Variants in BBS2 observed in about 807,000 individuals in gnomAD.
The protein encoded by BBS2 is BBSome complex member BBS2.
In BBS2, 62 loss-of-function variants were observed where a neutral mutation model predicts 83.0. That is an observed-to-expected ratio of 0.75 (90% CI 0.61 to 0.92). The LOEUF (loss-of-function observed/expected upper bound fraction) is 0.92, where lower values mean the gene tolerates loss of function less well. BBS2 is among the 40% of genes least tolerant of loss of function. The pLI, the probability that BBS2 is intolerant of heterozygous loss-of-function variation, is 0.00. For missense variants in BBS2, 784 were observed against 901.0 expected (o/e 0.87, Z 1.66); for synonymous variants, 303 against 326.1 (o/e 0.93, Z 0.76).
chr16:56,512,828 A>T (rs1248937892), intron 2 of BBS2, among the ~76,000 whole-genome samples: 2 of 152,208 alleles, frequency 1.3e-5, no homozygotes, highest in African/African-American at 2.4e-5. Flanking sequence ...ATTTTCATGT[A>T]TGTACATTTT....
intron 17 of BBS2, chr16:56,476,074 T>C (rs1477947802): frequency 3.7e-6 from 6 of 1,613,254 alleles, no homozygotes; most frequent in Non-Finnish European, 5.1e-6. Flanking sequence ...AAGCAATTCT[T>C]TGGCATTGGT....
At chr16:56,505,450 CT>C (rs1964396377) in intron 7 of BBS2, among the ~76,000 whole-genome samples, 2 of 152,150 alleles carry the variant, frequency 1.3e-5, no homozygotes, top group Non-Finnish European at 1.5e-5. Flanking sequence ...GAAGACAATC[CT>C]GACTTGCCAA....
chr16:56,471,953 C>CTGTTTGTT (rs35730390), intron 17 of BBS2, among the ~76,000 whole-genome samples: 113 of 151,502 alleles, frequency 7.5e-4, no homozygotes, highest in Non-Finnish European at 1.2e-3. Context: ...TTATCCACTT[C>CTGTTTGTT]TGTTTGTTTG....
intron 17 of BBS2, chr16:56,476,115 C>T (rs1271905543): frequency 6.8e-6 from 11 of 1,613,880 alleles, no homozygotes; most frequent in Non-Finnish European, 9.3e-6. Flanking sequence ...TGAAATTTGT[C>T]AAGCATATTA....
intron 6 of BBS2, 32 bp downstream of exon 6, chr16:56,506,088 C>G: frequency 6.2e-7 from 1 of 1,607,578 alleles, no homozygotes; most frequent in Non-Finnish European, 8.5e-7. Flanking sequence ...AACTATCAAG[C>G]GCCTGAATAT....
chr16:56,480,756 T>C (rs1046229582), downstream of BBS2, among the ~76,000 whole-genome samples: 2 of 152,162 alleles, frequency 1.3e-5, no homozygotes, highest in South Asian at 2.1e-4. Context: ...ACAAACCCTG[T>C]TGAAAAGGGT....
At chr16:56,492,322 A>G (rs1963978188) in intron 15 of BBS2, among the ~76,000 whole-genome samples, 1 of 152,228 alleles carries the variant, frequency 6.6e-6, no homozygotes, top group South Asian at 2.1e-4. Context: ...ATGGAACACT[A>G]TTCAGTCTTA....
intron 5 of BBS2, among the ~76,000 whole-genome samples, chr16:56,508,568 G>A (rs1415389060): frequency 2.0e-5 from 3 of 152,038 alleles, no homozygotes; most frequent in Non-Finnish European, 4.4e-5. Flanking sequence ...AAACCATAAA[G>A]GATACAGGTA....
chr16:56,498,922 C>T, intron 12 of BBS2: 1 of 379,106 alleles, frequency 2.6e-6, no homozygotes, highest in Non-Finnish European at 5.0e-6. Flanking sequence ...TACACAACAG[C>T]TCTTCTGTGG....
chr16:56,516,993 TTTATTATTATTA>T (rs879900191), intron 1 of BBS2, among the ~76,000 whole-genome samples: 5 of 150,894 alleles, frequency 3.3e-5, no homozygotes, highest in Non-Finnish European at 5.9e-5. Context: ...CTTTATTTTA[TTTATTATTATTA>T]TTATTATTAT....
intron 9 of BBS2, chr16:56,501,755 G>A (rs762708204): frequency 1.2e-5 from 6 of 503,746 alleles, no homozygotes; most frequent in African/African-American, 1.9e-5. Context: ...CATTTTTGAA[G>A]TATTGTTCTT....
rs756036778 is a variant in BBS2, at chr16:56,484,829, C to T, written c.2098G>A (p.Asp700Asn). ...PKNQVITACR[D>N]AIRSNNINTL... ...TTGATGTTATTGCTTCGAATTGCAT[C>T]CCGACAAGCAGTGATCACCTGGTTC... The change falls in exon 17 of 17, where the codon GAT (aspartate) becomes AAT (asparagine). Residue 700 changes from aspartate to asparagine, a missense_variant. Transcript: ENST00000245157. 1 of 1,613,988 alleles carries T rather than the reference C, an allele frequency of 6.2e-7. No homozygotes were observed. The highest frequency in any genetic ancestry group is 1.1e-5 in the South Asian group (1 of 91,082).
Position 56,497,780 on chromosome 16 carries a change from G to A in BBS2, c.1760C>T (p.Pro587Leu). 1 of 1,613,376 alleles carries A rather than the reference G, an allele frequency of 6.2e-7. No individual in the cohort carries two copies. Among genetic ancestry groups the A allele is most frequent in the Non-Finnish European group, 8.5e-7 (1 of 1,179,900 alleles). Residue 587 changes from proline (P) to leucine (L), a missense_variant, in exon 14 of 17, where the codon CCT becomes CTT. Coordinates refer to ENST00000245157, the MANE Select transcript of BBS2 (RefSeq NM_031885.5). Reference sequence around the variant, plus strand: ...CTTTCGTAATTCCTCAAAATAGACAGGAAAATCCGCTTCTACTTGAAGGTC... The same window carrying A: ...CTTTCGTAATTCCTCAAAATAGACAAGAAAATCCGCTTCTACTTGAAGGTC... ...IEDLQVEADFPVYFEELRKVL... is the reference protein window; with the variant it reads ...IEDLQVEADFLVYFEELRKVL...
chr16:56,514,662 G>A lies in BBS2; in HGVS notation c.136C>T (p.His46Tyr), dbSNP rs762792627. The change falls in exon 2 of 17, where the codon CAT (histidine) becomes TAT (tyrosine). Residue 46 changes from histidine to tyrosine, a missense_variant. His to Tyr is a moderately conservative substitution (Grantham distance 83, BLOSUM62 2). Transcript: ENST00000245157. ...QTGKVFIHNP[H>Y]TRNQHVSASR... The stretch of plus-strand genomic sequence containing the variant: ...GCACTGACATGCTGGTTCCGTGTAT[G>A]AGGATTATGAATAAAAACCTGAAAC... 8 of 1,613,616 alleles carry A rather than the reference G, an allele frequency of 5.0e-6. No homozygotes were observed. Among genetic ancestry groups the A allele is most frequent in the South Asian group, 4.4e-5 (4 of 91,028 alleles).
At chr16:56,497,118 C>A (rs1219450641) in intron 14 of BBS2, 39 bp from the exon 15 acceptor site, 1 of 1,325,550 alleles carries the variant, frequency 7.5e-7, no homozygotes, top group Non-Finnish European at 1.1e-6. Flanking sequence ...AAAGGCCTCA[C>A]AAACTTCTTG....
intron 17 of BBS2, chr16:56,476,076 G>A: frequency 1.2e-6 from 2 of 1,613,206 alleles, no homozygotes; most frequent in Non-Finnish European, 1.7e-6. Flanking sequence ...GCAATTCTTT[G>A]GCATTGGTCT....
At chr16:56,479,751 G>C (rs1352737186), downstream of BBS2, among the ~76,000 whole-genome samples, 1 of 152,204 alleles carries the variant, frequency 6.6e-6, no homozygotes, top group Admixed American at 6.5e-5. Context: ...TTGCTGGTGT[G>C]AACCACACCT....
At chr16:56,480,537 G>A (rs1359819707), downstream of BBS2, among the ~76,000 whole-genome samples, 1 of 151,888 alleles carries the variant, frequency 6.6e-6, no homozygotes, top group Non-Finnish European at 1.5e-5. Context: ...GATTACAGGT[G>A]CCTAACACCA....
intron 11 of BBS2, chr16:56,500,215 A>G (rs572255756): frequency 1.1e-4 from 40 of 359,382 alleles, no homozygotes; most frequent in African/African-American, 8.2e-4. Flanking sequence ...GAGGTTATGT[A>G]TGACTGTAAT....
Sources: allele counts gnomAD v4.1 joint callset (sites outside exome capture counted in the v4.1 genomes callset), GRCh38; gene constraint gnomAD v4.1.1; transcripts MANE v1.5; gene names NCBI Gene and HGNC (gene_info 2026-07-23, HGNC 2026-07-21).